EYS: variants seen among roughly 807,000 people sequenced by gnomAD.
EYS encodes the protein EGF-like photoreceptor maintenance factor.
In EYS, 250 loss-of-function variants were observed where a neutral mutation model predicts 282.1. That is an observed-to-expected ratio of 0.89 (90% CI 0.80 to 0.98). EYS has a LOEUF of 0.98. Among genes scored for constraint, EYS ranks in the 50% least tolerant of loss-of-function variants. The pLI is 0.00. For synonymous variants in EYS, 1,355 were observed against 1,282.9 expected, an observed-to-expected ratio of 1.06 and a Z score of -1.20; for missense variants, 4,016 against 3,709.0, an observed-to-expected ratio of 1.08 and a Z score of -2.15.
intron 28 of EYS, among the ~76,000 whole-genome samples, chr6:64,394,102 C>A (rs1157995523): frequency 6.6e-6 from 1 of 152,120 alleles, no homozygotes; most frequent in Non-Finnish European, 1.5e-5. Context: ...TCAAGGAGAA[C>A]TACAAACCAC....
chr6:63,837,376 T>G (rs1771836680), intron 36 of EYS, among the ~76,000 whole-genome samples: 1 of 152,074 alleles, frequency 6.6e-6, no homozygotes, highest in Non-Finnish European at 1.5e-5. Flanking sequence ...TCATCTAAAA[T>G]GAGGCAGCTT....
chr6:64,294,468 A>G (rs1768831080), intron 30 of EYS, among the ~76,000 whole-genome samples: 1 of 152,230 alleles, frequency 6.6e-6, no homozygotes, highest in Admixed American at 6.5e-5. Flanking sequence ...ACAGAACCTC[A>G]GTGATATAAT....
intron 29 of EYS, among the ~76,000 whole-genome samples, chr6:64,363,540 A>G (rs1156302642): frequency 6.6e-6 from 1 of 151,246 alleles, no homozygotes; most frequent in African/African-American, 2.4e-5. Context: ...TTGTTTTTAA[A>G]TGGAAATAGT....
chr6:64,794,670 A>G (rs562947593), intron 22 of EYS, among the ~76,000 whole-genome samples: 1 of 152,356 alleles, frequency 6.6e-6, no homozygotes, highest in Non-Finnish European at 1.5e-5. Context: ...TTCATCAACA[A>G]ATGAATTTAA....
At chr6:64,268,224 C>T (rs949383248) in intron 30 of EYS, among the ~76,000 whole-genome samples, 2 of 151,866 alleles carry the variant, frequency 1.3e-5, no homozygotes, top group Non-Finnish European at 2.9e-5. Flanking sequence ...TATGAAAAGT[C>T]TCCAGTAATT....
chr6:64,093,633 A>G (rs1399139641), intron 31 of EYS, among the ~76,000 whole-genome samples: 3 of 152,174 alleles, frequency 2.0e-5, no homozygotes, highest in South Asian at 2.1e-4. Context: ...GAAGTTGCCT[A>G]TCAGCTTTAG....
intron 41 of EYS, among the ~76,000 whole-genome samples, chr6:63,736,938 G>T (rs1407768628): frequency 1.3e-5 from 2 of 152,140 alleles, no homozygotes; most frequent in Non-Finnish European, 2.9e-5. Context: ...CGTTGATTTT[G>T]TATCCTGAGA....
chr6:64,351,847 G>C (rs1771653570), intron 29 of EYS, among the ~76,000 whole-genome samples: 1 of 151,464 alleles, frequency 6.6e-6, no homozygotes, highest in African/African-American at 2.4e-5. Context: ...ATAATACCAT[G>C]TATGTATAAT....
intron 29 of EYS, among the ~76,000 whole-genome samples, chr6:64,378,883 T>C (rs1772652415): frequency 6.6e-6 from 1 of 152,178 alleles, no homozygotes; most frequent in African/African-American, 2.4e-5. Context: ...AAACCTTAAG[T>C]TGACAAAGTC....
intron 2 of EYS, among the ~76,000 whole-genome samples, chr6:65,502,215 A>G (rs1281954737): frequency 6.6e-6 from 1 of 151,740 alleles, no homozygotes; most frequent in African/African-American, 2.4e-5. Context: ...TAAAGCTGCT[A>G]TAAAGAGCAT....
intron 14 of EYS, among the ~76,000 whole-genome samples, chr6:64,980,020 A>T (rs565027760): frequency 6.6e-6 from 1 of 151,698 alleles, no homozygotes; most frequent in Admixed American, 6.6e-5. Context: ...GGTGTATAAT[A>T]GAATCTCCTT....
chr6:63,984,234 T>C (rs1164487770), intron 35 of EYS, 149 bp downstream of exon 35: 1 of 629,536 alleles, frequency 1.6e-6, no homozygotes, highest in East Asian at 2.7e-5. Context: ...ATTTACCACA[T>C]GTGTGCATCA....
At chr6:63,922,700 G>A (rs528184910) in intron 35 of EYS, among the ~76,000 whole-genome samples, 74 of 152,250 alleles carry the variant, frequency 4.9e-4, no homozygotes, top group Non-Finnish European at 6.8e-4. Context: ...CATAAGATGC[G>A]TCATTGTTTG....
At chr6:64,905,257 T>C (rs1421399916) in intron 16 of EYS, among the ~76,000 whole-genome samples, 2 of 152,216 alleles carry the variant, frequency 1.3e-5, no homozygotes, top group African/African-American at 4.8e-5. Flanking sequence ...CTACATATTC[T>C]ATAATCCTTA....
At chr6:64,560,193 T>C (rs533250353) in intron 26 of EYS, among the ~76,000 whole-genome samples, 2 of 152,044 alleles carry the variant, frequency 1.3e-5, no homozygotes, top group Admixed American at 6.6e-5. Context: ...TGTTAAATTA[T>C]ATTTTCCTAG....
chr6:65,468,256 T>C (rs75957881), intron 5 of EYS, among the ~76,000 whole-genome samples: 1,640 of 152,266 alleles, frequency 0.011, 26 homozygotes, highest in African/African-American at 0.037. Context: ...CAGTGACACA[T>C]ATAACTTATT....
In EYS at chr6:64,169,431, G is replaced by GTTTTTTTTTTTTTTTTTTTTTTTT. The variant is rs35657029; in HGVS notation, c.6424+61160_6424+61161insAAAAAAAAAAAAAAAAAAAAAAAA. On this transcript the variant is annotated intron_variant, in intron 31 of 42. Transcript: ENST00000503581. ...ACATACTCAAACAATTTGAGGAGGA[G>GTTTTTTTTTTTTTTTTTTTTTTTT]TTTTTTTTTTTTTTTTACAAAAAGG... Among the ~76,000 whole-genome samples, 64 of 140,984 alleles carry GTTTTTTTTTTTTTTTTTTTTTTTT rather than the reference G, an allele frequency of 4.5e-4. 3 individuals are homozygous for GTTTTTTTTTTTTTTTTTTTTTTTT. Among genetic ancestry groups the GTTTTTTTTTTTTTTTTTTTTTTTT allele is most frequent in the African/African-American group, 1.7e-3 (63 of 36,422 alleles). 92.5% of individuals were successfully genotyped at this position (140,984 alleles called of 152,430 possible).
rs1764826140 is a variant in EYS, at chr6:64,182,823, C to T, written c.6424+47769G>A. Among the ~76,000 whole-genome samples, 3 of 152,120 alleles carry T rather than the reference C, an allele frequency of 2.0e-5. No individual in the cohort carries two copies. In the South Asian group the frequency reaches 6.2e-4, roughly 31 times the overall value. On this transcript the variant is annotated intron_variant, in intron 31 of 42. Transcript: ENST00000503581. ...CAGCTGTGCCACCAACTGGTACACA[C>T]TTTCCTGTGCCTGCCTTCCACCCTA...
chr6:65,268,016 T>C (rs1314731846), intron 12 of EYS, among the ~76,000 whole-genome samples: 1 of 151,836 alleles, frequency 6.6e-6, no homozygotes, highest in East Asian at 1.9e-4. Context: ...TTGTGTCTTA[T>C]TATGCACAGG....
Sources: allele counts gnomAD v4.1 joint callset (sites outside exome capture counted in the v4.1 genomes callset), GRCh38; gene constraint gnomAD v4.1.1; transcripts MANE v1.5; gene names NCBI Gene and HGNC (gene_info 2026-07-23, HGNC 2026-07-21).